The following ATP8A2 variants were observed in gnomAD, a reference collection of about 807,000 sequenced individuals.
ATP8A2 encodes phospholipid-transporting ATPase IB.
Under a neutral mutation model 165.6 loss-of-function variants are expected in ATP8A2, and 100 were observed. The observed-to-expected ratio is 0.60, with a 90% CI of 0.51 to 0.71. The LOEUF (loss-of-function observed/expected upper bound fraction) is 0.71, where lower values mean the gene tolerates loss of function less well. Ranked by LOEUF, ATP8A2 falls within the 30% of genes least tolerant of loss-of-function variation. The pLI, the probability that ATP8A2 is intolerant of heterozygous loss-of-function variation, is 0.00. For synonymous variants in ATP8A2, 543 were observed against 548.8 expected, an observed-to-expected ratio of 0.99 and a Z score of 0.15; for missense variants, 1,227 against 1,479.5, an observed-to-expected ratio of 0.83 and a Z score of 2.80.
At chr13:25,746,991 G>A (rs1313446078) in intron 25 of ATP8A2, among the ~76,000 whole-genome samples, 1 of 152,164 alleles carries the variant, frequency 6.6e-6, no homozygotes, top group East Asian at 1.9e-4. Context: ...AGAGCCTATG[G>A]TCGTTCTGTC....
intron 25 of ATP8A2, among the ~76,000 whole-genome samples, chr13:25,701,851 C>T (rs180998952): frequency 4.6e-5 from 7 of 151,850 alleles, no homozygotes; most frequent in African/African-American, 1.7e-4. Context: ...AAGGGGAGTT[C>T]AAACTGGAAT....
intron 1 of ATP8A2, among the ~76,000 whole-genome samples, chr13:25,389,605 A>G (rs2033173066): frequency 6.6e-6 from 1 of 152,232 alleles, no homozygotes; most frequent in Non-Finnish European, 1.5e-5. Context: ...CTGTTTATCA[A>G]ATTCAACTTT....
intron 33 of ATP8A2, among the ~76,000 whole-genome samples, chr13:25,936,265 T>C (rs1023392562): frequency 2.0e-5 from 3 of 152,192 alleles, no homozygotes; most frequent in African/African-American, 7.2e-5. Flanking sequence ...TGTATGCTCA[T>C]CTGACGGCCA....
chr13:25,933,333 G>T (rs1021109166), intron 33 of ATP8A2, among the ~76,000 whole-genome samples: 1 of 152,182 alleles, frequency 6.6e-6, no homozygotes, highest in African/African-American at 2.4e-5. Context: ...TAGCCTGGCA[G>T]TTCTGAGCAC....
At chr13:25,699,512 A>G (rs1032906016) in intron 25 of ATP8A2, among the ~76,000 whole-genome samples, 167 bp downstream of exon 25, 4 of 152,254 alleles carry the variant, frequency 2.6e-5, no homozygotes, top group African/African-American at 7.2e-5. Flanking sequence ...GATTTTGCAG[A>G]GGCAGTTAGT....
At chr13:25,915,191 T>C (rs1954233552) in intron 33 of ATP8A2, among the ~76,000 whole-genome samples, 1 of 152,216 alleles carries the variant, frequency 6.6e-6, no homozygotes, top group African/African-American at 2.4e-5. Context: ...ATAGAAATCA[T>C]AGAATTTGTG....
In ATP8A2 at chr13:25,953,581, A is replaced by G. The variant is rs1955436445; in HGVS notation, c.3184-7994A>G. ...ATAGGCAAGACGGCCAAATAGGAAC[A>G]GCTCCAGTCTGTAGCTCCCAGGGAG... On this transcript the variant is annotated intron_variant, in intron 33 of 36. Coordinates refer to ENST00000381655, the MANE Select transcript of ATP8A2 (RefSeq NM_016529.6). The surrounding 1 kb of genome is among the most constrained non-coding windows in gnomAD (Gnocchi z 6.7). 6.6e-6 allele frequency among the ~76,000 whole-genome samples: 1 copy of G among 151,226 alleles called. No individual in the cohort carries two copies. The highest frequency in any genetic ancestry group is 1.5e-5 in the Non-Finnish European group (1 of 67,850).
At chr13:25,446,195 A>C (rs902818484) in intron 1 of ATP8A2, among the ~76,000 whole-genome samples, 1 of 152,016 alleles carries the variant, frequency 6.6e-6, no homozygotes, top group African/African-American at 2.4e-5. Flanking sequence ...GCCTGCCGTC[A>C]TTGTCTCCTG....
chr13:25,863,437 G>A (rs556612502), intron 33 of ATP8A2: 1 of 152,352 alleles, frequency 6.6e-6, no homozygotes, highest in South Asian at 2.1e-4. Context: ...GGTGTGCACT[G>A]AGTAGATGAT....
chr13:25,934,041 G>T (rs1954827283), intron 33 of ATP8A2, among the ~76,000 whole-genome samples: 1 of 152,180 alleles, frequency 6.6e-6, no homozygotes, highest in Non-Finnish European at 1.5e-5. Flanking sequence ...AAACTCATAT[G>T]CAAAGGCCTA....
intron 24 of ATP8A2, among the ~76,000 whole-genome samples, chr13:25,608,149 G>A (rs1024445717): frequency 6.6e-6 from 1 of 152,184 alleles, no homozygotes; most frequent in Non-Finnish European, 1.5e-5. Context: ...AAGAAGCATG[G>A]CACCAGCATC....
chr13:25,830,359 T>C (rs1328993976), intron 28 of ATP8A2, among the ~76,000 whole-genome samples: 1 of 152,058 alleles, frequency 6.6e-6, no homozygotes, highest in African/African-American at 2.4e-5. Flanking sequence ...TTTTATGCAG[T>C]TTTTCTGTCC....
Position 25,805,849 on chromosome 13 carries a change from T to C in ATP8A2, c.2680-22269T>C, listed in dbSNP as rs141740605. ...TTTGGATGCATTCAAAGATGCTAAATGATTGCCAATATAGTTTTTTTTTCT... is the reference window on the plus strand; with the variant it reads ...TTTGGATGCATTCAAAGATGCTAAACGATTGCCAATATAGTTTTTTTTTCT... On this transcript the variant is annotated intron_variant, in intron 27 of 36. Coordinates refer to ENST00000381655, the MANE Select transcript of ATP8A2 (RefSeq NM_016529.6). 5.3e-3 allele frequency among the ~76,000 whole-genome samples: 814 copies of C among 152,296 alleles called. 3 individuals are homozygous for C. Among genetic ancestry groups the C allele is most frequent in the Non-Finnish European group, 7.0e-3 (475 of 68,014 alleles).
At chr13:25,828,545 A>G (rs1951377715) in intron 28 of ATP8A2, among the ~76,000 whole-genome samples, 1 of 152,218 alleles carries the variant, frequency 6.6e-6, no homozygotes, top group Non-Finnish European at 1.5e-5. Flanking sequence ...CCGCTTCATT[A>G]TTTTTGTTCT....
At chr13:25,934,487 G>A (rs1371048503) in intron 33 of ATP8A2, among the ~76,000 whole-genome samples, 3 of 152,180 alleles carry the variant, frequency 2.0e-5, no homozygotes, top group Admixed American at 2.0e-4. Flanking sequence ...TTTTACCTCC[G>A]GTCAGCAGTG....
At chr13:25,786,417 T>C (rs1026374766) in intron 27 of ATP8A2, among the ~76,000 whole-genome samples, 2 of 152,232 alleles carry the variant, frequency 1.3e-5, no homozygotes, top group Non-Finnish European at 2.9e-5. Context: ...TTCATCCTAT[T>C]AAATACTACA....
intron 33 of ATP8A2, among the ~76,000 whole-genome samples, chr13:25,906,322 TG>T (rs1373427534): frequency 2.0e-5 from 3 of 146,860 alleles, no homozygotes; most frequent in Non-Finnish European, 4.5e-5. Context: ...TCTCTTCTTT[TG>T]TATTACAGCT....
rs1224721036 is a variant in ATP8A2, at chr13:25,579,951, A to G, written c.2007+4A>G. The G allele has an allele frequency of 6.2e-7, 1 of 1,613,786 alleles. No homozygotes were observed. Among genetic ancestry groups the G allele is most frequent in the Admixed American group, 1.7e-5 (1 of 59,986 alleles). On this transcript the variant is annotated splice_donor_region_variant and intron_variant, in intron 22 of 36. Transcript: ENST00000381655. ...GTGTTACGAGATCATTGAGAAGGTA[A>G]CCGCACACAATACAGTCTTTTCAGC...
intron 33 of ATP8A2, among the ~76,000 whole-genome samples, chr13:25,885,671 A>G (rs55838406): frequency 1.1e-3 from 168 of 152,284 alleles, no homozygotes; most frequent in Non-Finnish European, 2.1e-3. Context: ...TTTTCTTCCT[A>G]TTTATTCTAT....
Sources: allele counts gnomAD v4.1 joint callset (sites outside exome capture counted in the v4.1 genomes callset), GRCh38; gene constraint gnomAD v4.1.1; non-coding constraint Gnocchi (gnomAD v3.1); transcripts MANE v1.5; gene names NCBI Gene and HGNC (gene_info 2026-07-23, HGNC 2026-07-21).